The following ATP13A5 variants were observed in gnomAD, a reference collection of about 807,000 sequenced individuals.
ATP13A5 encodes ATPase 13A5, also known as probable cation-transporting ATPase 13A5.
Under a neutral mutation model 150.2 loss-of-function variants are expected in ATP13A5, and 149 were observed. The ratio of observed to expected loss-of-function variants is 0.99; its 90% CI spans 0.87 to 1.14. The LOEUF (loss-of-function observed/expected upper bound fraction) is 1.14, where lower values mean the gene tolerates loss of function less well. Ranked by LOEUF, ATP13A5 falls within the 50% of genes most tolerant of loss-of-function variation. The pLI, the probability that ATP13A5 is intolerant of heterozygous loss-of-function variation, is 0.00. For missense variants in ATP13A5, 1,383 were observed against 1,449.3 expected, an observed-to-expected ratio of 0.95 and a Z score of 0.74; for synonymous variants, 497 against 522.2, an observed-to-expected ratio of 0.95 and a Z score of 0.66.
intron 7 of ATP13A5, among the ~76,000 whole-genome samples, chr3:193,350,830 A>G (rs866924266): frequency 6.6e-6 from 1 of 152,176 alleles, no homozygotes; most frequent in East Asian, 1.9e-4. Flanking sequence ...AGAGCCTCAG[A>G]GTGCTTCTAA....
At chr3:193,311,720 G>C in intron 20 of ATP13A5, 96 bp downstream of exon 20, 1 of 1,516,344 alleles carries the variant, frequency 6.6e-7, no homozygotes, top group Non-Finnish European at 8.9e-7. Flanking sequence ...CTAACTGTGA[G>C]GCAACCTCAG....
At position 193,321,772 on chromosome 3, in the gene ATP13A5, G is replaced by A. The variant is rs756924623; in HGVS notation, c.1824C>T (p.Ser608=). 99 of 1,614,184 alleles carry A rather than the reference G, an allele frequency of 6.1e-5. 1 individual carries two copies. The South Asian group carries it at 7.2e-4, about 12-fold the overall frequency. The part of the protein sequence containing the change: ...FPFSSSLQRM[S]VIAQLAGENH... ...TCTCCCCAGCTAGCTGAGCGATCAC[G>A]GACATCCTCTGCAGGCTCGAGGAAA... The change falls in exon 16 of 30, where the codon TCC becomes TCT. Residue 608 remains serine, a synonymous_variant. Coordinates refer to ENST00000342358, the MANE Select transcript of ATP13A5 (RefSeq NM_198505.4).
intron 29 of ATP13A5, among the ~76,000 whole-genome samples, chr3:193,276,433 C>A (rs1717204775): frequency 6.6e-6 from 1 of 152,206 alleles, no homozygotes; most frequent in Non-Finnish European, 1.5e-5. Flanking sequence ...GTTGGAAGGT[C>A]ACCTGGTCTA....
intron 11 of ATP13A5, among the ~76,000 whole-genome samples, chr3:193,332,539 A>G (rs1711673834): frequency 6.6e-6 from 1 of 152,242 alleles, no homozygotes; most frequent in Admixed American, 6.5e-5. Context: ...TAAATTAACC[A>G]TCATTTTAGC....
At chr3:193,350,927 T>C (rs1577365195) in intron 7 of ATP13A5, 140 bp downstream of exon 7, 3 of 885,392 alleles carry the variant, frequency 3.4e-6, no homozygotes, top group East Asian at 5.3e-5. Context: ...CCTTCTGTCA[T>C]CCCATATTTG....
chr3:193,275,176 T>C lies in ATP13A5; in HGVS notation c.3523A>G (p.Arg1175Gly). Residue 1175 changes from arginine to glycine, a missense_variant, in exon 30 of 30, where the codon AGG (arginine) becomes GGG (glycine). By Grantham distance (125) the Arg-to-Gly change is moderately radical. Transcript: ENST00000342358. ...TTGCCATCACCTGAATAATCTGTCC[T>C]GTTTATGGGAGGCCAGGTTGAGTCT... ...AEDSTWPPIN[R>G]TDYSGDGKNG... 2 of 1,614,232 alleles carry C rather than the reference T, an allele frequency of 1.2e-6. No individual in the cohort carries two copies. Among genetic ancestry groups the C allele is most frequent in the Non-Finnish European group, 1.7e-6 (2 of 1,180,046 alleles).
chr3:193,362,742 T>C (rs1374940720), intron 3 of ATP13A5, 105 bp from the exon 4 acceptor site: 2 of 971,188 alleles, frequency 2.1e-6, no homozygotes, highest in South Asian at 2.6e-5. Context: ...TGGGTCTCAC[T>C]TGCTTTCCTT....
chr3:193,338,162 A>G (rs977352029), intron 9 of ATP13A5, among the ~76,000 whole-genome samples: 2 of 152,180 alleles, frequency 1.3e-5, no homozygotes, highest in African/African-American at 2.4e-5. Context: ...TAAATATACA[A>G]TCATGTCATC....
rs905700845 is a variant in ATP13A5 at position 193,293,687 on chromosome 3, A to G, written c.2849-3628T>C. 5.3e-5 allele frequency among the ~76,000 whole-genome samples: 8 copies of G among 152,240 alleles called. No homozygotes were observed. The East Asian group carries it at 5.8e-4, about 11-fold the overall frequency. ...TTTTATTCCAAACACTGAAAATCAT[A>G]TAAGACAAATTTCAGGAGGTTCATG... On this transcript the variant is annotated intron_variant, in intron 25 of 29. Transcript: ENST00000342358.
In ATP13A5 at chr3:193,290,147, G is replaced by C. The variant is rs888590693; in HGVS notation, c.2849-88C>G. The stretch of plus-strand genomic sequence containing the variant: ...TGAGATGCATATTATCTTGAGTCTG[G>C]CATTGGGATTCAGACTAAGCAAACA... On this transcript the variant is annotated intron_variant, in intron 25 of 29. Transcript: ENST00000342358. The C allele has an allele frequency of 6.1e-6, 8 of 1,321,532 alleles. No individual in the cohort carries two copies. In the African/African-American group the frequency reaches 1.2e-4, roughly 20 times the overall value. 81.9% of individuals were successfully genotyped at this position (1,321,532 alleles called of 1,614,324 possible).
At chr3:193,284,889 G>A in intron 27 of ATP13A5, 25 bp downstream of exon 27, 1 of 1,572,794 alleles carries the variant, frequency 6.4e-7, no homozygotes, top group Non-Finnish European at 8.7e-7. Flanking sequence ...TATTCAGAAA[G>A]AAAAATTAAA....
At chr3:193,322,391 A>G in intron 15 of ATP13A5, 100 bp downstream of exon 15, 1 of 951,782 alleles carries the variant, frequency 1.1e-6, no homozygotes, top group Non-Finnish European at 1.7e-6. Context: ...AACTGTTATG[A>G]TAAGGCAAAA....
rs149860578 is a variant in ATP13A5, at chr3:193,351,437, C to A, written c.607-236G>T. 2.0e-3 allele frequency among the ~76,000 whole-genome samples: 305 copies of A among 152,218 alleles called. 2 individuals are homozygous for A. The highest frequency in any genetic ancestry group is 3.1e-3 in the Non-Finnish European group (213 of 67,992). On this transcript the variant is annotated intron_variant, in intron 6 of 29. Coordinates refer to ENST00000342358, the MANE Select transcript of ATP13A5 (RefSeq NM_198505.4). Reference sequence around the variant, plus strand: ...TTCAGAGCCATGCCCACAAGTTGATCATTCTTATTCATTTTGAATTTCAAA... The same window carrying A: ...TTCAGAGCCATGCCCACAAGTTGATAATTCTTATTCATTTTGAATTTCAAA...
chr3:193,340,154 C>T (rs1405067928), intron 9 of ATP13A5, among the ~76,000 whole-genome samples: 1 of 152,114 alleles, frequency 6.6e-6, no homozygotes, highest in Non-Finnish European at 1.5e-5. Flanking sequence ...CATTTGGCTC[C>T]CTGTGCTGTC....
intron 14 of ATP13A5, 43 bp from the exon 15 acceptor site, chr3:193,322,617 ATATT>A (rs1366440309): frequency 7.5e-7 from 1 of 1,337,810 alleles, no homozygotes; most frequent in Middle Eastern, 2.0e-4. Flanking sequence ...TTGAATAAAA[ATATT>A]AAGAAAGAAA....
At chr3:193,307,189 G>A (rs1718649824) in intron 22 of ATP13A5, 138 bp downstream of exon 22, 6 of 1,529,306 alleles carry the variant, frequency 3.9e-6, no homozygotes, top group Non-Finnish European at 4.4e-6. Context: ...CCCACACTCA[G>A]GTAGAGGTGG....
intron 9 of ATP13A5, among the ~76,000 whole-genome samples, chr3:193,341,172 CCT>C (rs3049300): frequency 0.35 from 47,067 of 135,942 alleles, 7,543 homozygotes; most frequent in East Asian, 0.47. Context: ...ATTCCCCCCC[CCT>C]CCCAAATGAT....
intron 1 of ATP13A5, among the ~76,000 whole-genome samples, chr3:193,371,404 T>C (rs1045192622): frequency 6.6e-6 from 1 of 152,230 alleles, no homozygotes; most frequent in African/African-American, 2.4e-5. Context: ...TGTTGCTGCA[T>C]AGCAAACTCA....
At chr3:193,333,212 A>G (rs1236857482) in intron 11 of ATP13A5, among the ~76,000 whole-genome samples, 1 of 151,382 alleles carries the variant, frequency 6.6e-6, no homozygotes, top group Admixed American at 6.6e-5. Context: ...GATGCCACCA[A>G]TTTGGACATT....
Sources: allele counts gnomAD v4.1 joint callset (sites outside exome capture counted in the v4.1 genomes callset), GRCh38; gene constraint gnomAD v4.1.1; transcripts MANE v1.5; gene names NCBI Gene and HGNC (gene_info 2026-07-23, HGNC 2026-07-21).